GMDS: variants seen among roughly 807,000 people sequenced by gnomAD.
GMDS encodes the protein GDP-mannose 4,6 dehydratase.
A neutral mutation model predicts 49.9 loss-of-function variants in GMDS; 20 were observed. That is an observed-to-expected ratio of 0.40 (90% CI 0.28 to 0.58). GMDS has a LOEUF of 0.58. GMDS is among the 20% of genes least tolerant of loss of function. GMDS has a pLI of 0.42. For missense variants in GMDS, 362 were observed against 481.4 expected (o/e 0.75, Z 2.32); for synonymous variants, 177 against 178.6 (o/e 0.99, Z 0.07).
At chr6:1,692,081 C>G (rs906364040) in intron 9 of GMDS, among the ~76,000 whole-genome samples, 8 of 152,182 alleles carry the variant, frequency 5.3e-5, no homozygotes, top group Non-Finnish European at 1.2e-4. Flanking sequence ...ACTTGCTGAG[C>G]CTTCTGGCCT....
intron 7 of GMDS, among the ~76,000 whole-genome samples, chr6:1,862,595 A>G (rs1416955681): frequency 2.0e-5 from 3 of 152,348 alleles, no homozygotes; most frequent in African/African-American, 4.8e-5. Flanking sequence ...TATTTCCACA[A>G]CTTGCTGGAG....
chr6:2,086,758 T>C (rs1449993599), intron 4 of GMDS, among the ~76,000 whole-genome samples: 2 of 152,266 alleles, frequency 1.3e-5, no homozygotes, highest in African/African-American at 4.8e-5. Flanking sequence ...GGTGATAGTA[T>C]GCCTTTCCAG....
chr6:2,085,316 C>G (rs1772948641), intron 4 of GMDS, among the ~76,000 whole-genome samples: 1 of 151,876 alleles, frequency 6.6e-6, no homozygotes, highest in South Asian at 2.1e-4. Context: ...TCTTGTGAAT[C>G]ACCTGTGGCT....
intron 4 of GMDS, among the ~76,000 whole-genome samples, chr6:2,070,767 T>C (rs1260194788): frequency 1.3e-5 from 2 of 152,266 alleles, no homozygotes; most frequent in East Asian, 1.9e-4. Flanking sequence ...CACGCTTACC[T>C]GCAACTCCTA....
intron 5 of GMDS, 58 bp from the exon 6 acceptor site, chr6:1,960,029 C>A: frequency 1.1e-6 from 1 of 944,598 alleles, no homozygotes; most frequent in South Asian, 1.5e-5. Flanking sequence ...GTGATTCTCA[C>A]CATCTTCAAC....
At chr6:1,663,591 G>C (rs1425350467) in intron 9 of GMDS, among the ~76,000 whole-genome samples, 1 of 152,086 alleles carries the variant, frequency 6.6e-6, no homozygotes, top group Non-Finnish European at 1.5e-5. Context: ...CCCTACCACT[G>C]GCCTGCACCG....
chr6:1,636,328 T>C (rs1763146722), intron 9 of GMDS, among the ~76,000 whole-genome samples: 1 of 152,196 alleles, frequency 6.6e-6, no homozygotes, highest in East Asian at 1.9e-4. Flanking sequence ...TGCAAAGTAA[T>C]GCCCACTCTG....
intron 4 of GMDS, among the ~76,000 whole-genome samples, chr6:2,103,931 G>T (rs1374047677): frequency 6.6e-6 from 1 of 152,210 alleles, no homozygotes; most frequent in East Asian, 1.9e-4. Context: ...AACCCAGTAT[G>T]GGGACTGAAC....
intron 9 of GMDS, among the ~76,000 whole-genome samples, chr6:1,647,956 C>A (rs189347117): frequency 2.6e-5 from 4 of 152,318 alleles, no homozygotes; most frequent in African/African-American, 9.6e-5. Context: ...CAGGGACCAG[C>A]ACAGTTCCCA....
chr6:2,230,283 C>G (rs1037377649), intron 1 of GMDS, among the ~76,000 whole-genome samples: 1 of 152,136 alleles, frequency 6.6e-6, no homozygotes, highest in Non-Finnish European at 1.5e-5. Context: ...TTATTAGCTA[C>G]GTATATTTAC....
At chr6:1,822,682 CA>C (rs200703486) in intron 7 of GMDS, among the ~76,000 whole-genome samples, 3,703 of 151,964 alleles carry the variant, frequency 0.024, 138 homozygotes, top group African/African-American at 0.085. Flanking sequence ...ACAAATAAAC[CA>C]AAAGTAGAAG....
intron 7 of GMDS, among the ~76,000 whole-genome samples, chr6:1,857,164 T>C (rs960255471): frequency 6.6e-6 from 1 of 152,168 alleles, no homozygotes; most frequent in Non-Finnish European, 1.5e-5. Context: ...AGTTATAAAG[T>C]ATAAAAGGAA....
At chr6:2,042,046 A>C (rs1365705899) in intron 4 of GMDS, among the ~76,000 whole-genome samples, 1 of 152,222 alleles carries the variant, frequency 6.6e-6, no homozygotes, top group Non-Finnish European at 1.5e-5. Context: ...CTGATCAATA[A>C]GTGAGACTTT....
intron 1 of GMDS, among the ~76,000 whole-genome samples, chr6:2,224,109 G>C (rs1267281391): frequency 6.6e-6 from 1 of 152,168 alleles, no homozygotes; most frequent in Non-Finnish European, 1.5e-5. Flanking sequence ...AGGTAATTTA[G>C]AAGATCTTAT....
chr6:1,976,459 C>A (rs180950638), intron 4 of GMDS, among the ~76,000 whole-genome samples: 86 of 152,302 alleles, frequency 5.6e-4, no homozygotes, highest in Admixed American at 1.3e-3. Flanking sequence ...TGAATAGGAG[C>A]AGGGTGTTCC....
intron 1 of GMDS, among the ~76,000 whole-genome samples, chr6:2,146,862 G>A (rs977491832): frequency 6.6e-6 from 1 of 152,168 alleles, no homozygotes; most frequent in Admixed American, 6.5e-5. Context: ...TAACTGTTAA[G>A]TACAATCTAA....
chr6:1,757,601 C>T (rs1767995597), intron 7 of GMDS, among the ~76,000 whole-genome samples: 2 of 152,190 alleles, frequency 1.3e-5, no homozygotes, highest in African/African-American at 4.8e-5. Flanking sequence ...ATCCTGAGCA[C>T]CTGATTCTGC....
At chr6:1,904,414 C>T (rs1760653683) in intron 7 of GMDS, among the ~76,000 whole-genome samples, 1 of 152,138 alleles carries the variant, frequency 6.6e-6, no homozygotes, top group African/African-American at 2.4e-5. Flanking sequence ...AGGACTGCCC[C>T]CTCCTCGGCA....
At chr6:1,651,282 C>T (rs764680820) in intron 9 of GMDS, among the ~76,000 whole-genome samples, 6 of 152,214 alleles carry the variant, frequency 3.9e-5, no homozygotes, top group Non-Finnish European at 8.8e-5. Flanking sequence ...ATGACAAGTT[C>T]AAAGAGTCCG....
Sources: allele counts gnomAD v4.1 joint callset (sites outside exome capture counted in the v4.1 genomes callset), GRCh38; gene constraint gnomAD v4.1.1; transcripts MANE v1.5; gene names NCBI Gene and HGNC (gene_info 2026-07-23, HGNC 2026-07-21).